Variants in THSD7B observed in about 807,000 individuals in gnomAD.
THSD7B encodes the protein thrombospondin type 1 domain containing 7B, also known as thrombospondin type-1 domain-containing protein 7B.
A neutral mutation model predicts 213.6 loss-of-function variants in THSD7B; 138 were observed. The observed-to-expected ratio is 0.65, with a 90% CI of 0.56 to 0.74. The LOEUF is 0.74. THSD7B is among the 30% of genes least tolerant of loss of function. The probability of loss-of-function intolerance (pLI) is 0.00; values close to 1 mark genes in which losing one functional copy is unlikely to be tolerated. For missense variants in THSD7B, 1,931 were observed against 1,991.5 expected (o/e 0.97, Z 0.58); for synonymous variants, 742 against 687.0 (o/e 1.08, Z -1.25).
chr2:136,828,014 G>A (rs1345876754), intron 1 of THSD7B, among the ~76,000 whole-genome samples: 2 of 151,900 alleles, frequency 1.3e-5, no homozygotes, highest in East Asian at 3.9e-4. Context: ...TAACCTATGG[G>A]CTCCTGTGTT....
At chr2:136,912,321 CAA>C (rs1159184476) in intron 2 of THSD7B, among the ~76,000 whole-genome samples, 24 of 55,818 alleles carry the variant, frequency 4.3e-4, no homozygotes, top group African/African-American at 1.6e-3. Context: ...GACTCCATCT[CAA>C]AAAAAAAAAA....
At chr2:137,154,414 A>C (rs1226646298) in intron 5 of THSD7B, among the ~76,000 whole-genome samples, 1 of 152,164 alleles carries the variant, frequency 6.6e-6, no homozygotes, top group African/African-American at 2.4e-5. Flanking sequence ...AAAACAAGAA[A>C]GCGCCAATGA....
chr2:137,498,135 G>T (rs940455416), intron 15 of THSD7B, among the ~76,000 whole-genome samples: 1 of 152,118 alleles, frequency 6.6e-6, no homozygotes, highest in African/African-American at 2.4e-5. Flanking sequence ...GTGATTTCTA[G>T]TGATCTGTTA....
intron 2 of THSD7B, among the ~76,000 whole-genome samples, chr2:137,039,331 C>A (rs1686836000): frequency 6.6e-6 from 1 of 152,072 alleles, no homozygotes; most frequent in Admixed American, 6.6e-5. Flanking sequence ...TATTAATAGT[C>A]TATATTAGTG....
At chr2:136,826,943 C>T (rs1376327700) in intron 1 of THSD7B, among the ~76,000 whole-genome samples, 1 of 152,182 alleles carries the variant, frequency 6.6e-6, no homozygotes, top group Admixed American at 6.5e-5. Flanking sequence ...ATACTTACAT[C>T]TCCATCTCTT....
chr2:137,064,445 T>C lies in THSD7B; in HGVS notation c.950+7215T>C, dbSNP rs371535879. Among the ~76,000 whole-genome samples, 6 of 152,144 alleles carry C rather than the reference T, an allele frequency of 3.9e-5. No homozygotes were observed. In the East Asian group the frequency reaches 1.2e-3, roughly 29 times the overall value. On this transcript the variant is annotated intron_variant, in intron 3 of 27. Transcript: ENST00000409968. ...CTGGTAGTTTGCAAAAAATTTCTCT[T>C]ATCCTGTGGATTTTCTCATCAGTTT...
chr2:137,416,769 TG>T (rs1686808126), intron 14 of THSD7B, among the ~76,000 whole-genome samples: 1 of 152,244 alleles, frequency 6.6e-6, no homozygotes, highest in Non-Finnish European at 1.5e-5. Context: ...AAGCCACCTG[TG>T]TAACACAAAG....
At chr2:137,659,533 T>C (rs1039261010) in intron 24 of THSD7B, 131 bp from the exon 25 acceptor site, 14 of 767,364 alleles carry the variant, frequency 1.8e-5, no homozygotes, top group Non-Finnish European at 2.7e-5. Context: ...ACCACAATGT[T>C]GGCAAATAGA....
chr2:137,233,180 G>C, intron 9 of THSD7B, 47 bp downstream of exon 9: 1 of 1,527,436 alleles, frequency 6.5e-7, no homozygotes, highest in Non-Finnish European at 8.9e-7. Flanking sequence ...ATTTCATGTT[G>C]AGTATTTTTA....
intron 15 of THSD7B, among the ~76,000 whole-genome samples, chr2:137,530,148 A>G (rs1330610672): frequency 6.6e-6 from 1 of 152,052 alleles, no homozygotes; most frequent in Non-Finnish European, 1.5e-5. Context: ...TGCGTGCCTC[A>G]TTGAGGCTTT....
intron 26 of THSD7B, among the ~76,000 whole-genome samples, 171 bp from the exon 27 acceptor site, chr2:137,667,603 T>C (rs1683473803): frequency 6.6e-6 from 1 of 152,220 alleles, no homozygotes; most frequent in South Asian, 2.1e-4. Flanking sequence ...TTACAGAGTA[T>C]GCTAGAGCAT....
chr2:137,639,307 T>G (rs1275781033), intron 20 of THSD7B, among the ~76,000 whole-genome samples: 1 of 152,206 alleles, frequency 6.6e-6, no homozygotes, highest in South Asian at 2.1e-4. Flanking sequence ...TTCCATGTGG[T>G]GTTGAGCCTG....
chr2:136,891,156 T>C (rs1683849498), intron 2 of THSD7B, among the ~76,000 whole-genome samples: 1 of 152,160 alleles, frequency 6.6e-6, no homozygotes, highest in Admixed American at 6.5e-5. Flanking sequence ...ATTCAGAGGA[T>C]ATTAAGGACA....
intron 20 of THSD7B, among the ~76,000 whole-genome samples, chr2:137,627,318 T>C (rs868861699): frequency 2.0e-4 from 31 of 152,180 alleles, no homozygotes; most frequent in African/African-American, 6.5e-4. Flanking sequence ...AGATCAAATG[T>C]TGACATGCCT....
chr2:137,290,594 C>T (rs544658638), intron 12 of THSD7B, among the ~76,000 whole-genome samples: 3 of 152,090 alleles, frequency 2.0e-5, no homozygotes, highest in Admixed American at 6.5e-5. Flanking sequence ...CCCAGTTCTG[C>T]CCAGGATTTA....
intron 1 of THSD7B, among the ~76,000 whole-genome samples, chr2:136,857,108 A>G (rs1683190423): frequency 6.6e-6 from 1 of 152,224 alleles, no homozygotes; most frequent in Non-Finnish European, 1.5e-5. Flanking sequence ...AACATGACTT[A>G]CCTTTTATAA....
At chr2:137,512,738 TATC>T (rs1395163604) in intron 15 of THSD7B, among the ~76,000 whole-genome samples, 2 of 152,128 alleles carry the variant, frequency 1.3e-5, no homozygotes, top group African/African-American at 4.8e-5. Flanking sequence ...ATGAAAAAGA[TATC>T]ATGGATATAA....
chr2:137,246,036 A>G (rs993888075), intron 10 of THSD7B, among the ~76,000 whole-genome samples: 10 of 152,158 alleles, frequency 6.6e-5, no homozygotes, highest in African/African-American at 2.4e-4. Context: ...TGGGTGAGGC[A>G]ATGTCTGATC....
chr2:137,363,162 G>T (rs1049708843), intron 12 of THSD7B, among the ~76,000 whole-genome samples: 2 of 152,174 alleles, frequency 1.3e-5, no homozygotes, highest in African/African-American at 4.8e-5. Context: ...AATGAAGGCA[G>T]AAATAAAGAT....
Sources: allele counts gnomAD v4.1 joint callset (sites outside exome capture counted in the v4.1 genomes callset), GRCh38; gene constraint gnomAD v4.1.1; transcripts MANE v1.5; gene names NCBI Gene and HGNC (gene_info 2026-07-23, HGNC 2026-07-21).